Variants in COL27A1 observed in about 807,000 individuals in gnomAD.
The protein encoded by COL27A1 is collagen alpha-1(XXVII) chain.
In COL27A1, 106 loss-of-function variants were observed where a neutral mutation model predicts 251.3. The observed-to-expected ratio is 0.42, with a 90% CI of 0.36 to 0.50. COL27A1 has a LOEUF of 0.50. Among genes scored for constraint, COL27A1 ranks in the 20% least tolerant of loss-of-function variants. The probability of loss-of-function intolerance (pLI) is 0.00; values close to 1 mark genes in which losing one functional copy is unlikely to be tolerated. For missense variants in COL27A1, 2,325 were observed against 2,522.8 expected, an observed-to-expected ratio of 0.92 and a Z score of 1.68; for synonymous variants, 1,000 against 986.3, an observed-to-expected ratio of 1.01 and a Z score of -0.26.
intron 40 of COL27A1, among the ~76,000 whole-genome samples, chr9:114,284,372 C>T (rs1827310040): frequency 6.6e-6 from 1 of 152,222 alleles, no homozygotes; most frequent in South Asian, 2.1e-4. Context: ...GTGTCCATAC[C>T]TGCAGGCCTA....
intron 5 of COL27A1, among the ~76,000 whole-genome samples, chr9:114,186,878 G>A (rs1219418630): frequency 6.6e-6 from 1 of 152,206 alleles, no homozygotes; most frequent in Non-Finnish European, 1.5e-5. Context: ...TGGGATGCAG[G>A]TCCTTGGTGC....
intron 3 of COL27A1, 126 bp from the exon 4 acceptor site, chr9:114,178,164 GA>G (rs1252219240): frequency 1.3e-6 from 1 of 740,930 alleles, no homozygotes; most frequent in African/African-American, 1.7e-5. Context: ...GACCTCAGGG[GA>G]CTCCTCCTCT....
rs554079381 is a variant in COL27A1 at position 114,197,320 on chromosome 9, G to A, written c.2124+1308G>A. ...GACACAGGGGGCCTTGCAGGACCTC[G>A]TTCCCCCATTCCCTTCTCCATGGCC... On this transcript the variant is annotated intron_variant, in intron 7 of 60. Coordinates refer to ENST00000356083, the MANE Select transcript of COL27A1 (RefSeq NM_032888.4). Among the ~76,000 whole-genome samples the A allele has an allele frequency of 2.7e-4, 41 of 152,184 alleles. No homozygotes were observed. In the South Asian group the frequency reaches 7.3e-3, roughly 27 times the overall value.
At chr9:114,234,678 C>CAAACA (rs1032116945) in intron 16 of COL27A1, among the ~76,000 whole-genome samples, 11 of 152,180 alleles carry the variant, frequency 7.2e-5, no homozygotes, top group African/African-American at 2.4e-4. Context: ...TGTTAGAAGA[C>CAAACA]AAACACCCAG....
Position 114,250,971 on chromosome 9 carries a change from G to A in COL27A1, c.3033+303G>A, listed in dbSNP as rs191572645. Among the ~76,000 whole-genome samples the A allele has an allele frequency of 3.3e-5, 5 of 152,284 alleles. No individual in the cohort carries two copies. In the East Asian group the frequency reaches 9.7e-4, roughly 29 times the overall value. ...CCTGCACAGGGGTCGGCGAGAGCAG[G>A]GAGGAAAAGACTCATCTTTACAAAG... On this transcript the variant is annotated intron_variant, in intron 25 of 60. Coordinates refer to ENST00000356083, the MANE Select transcript of COL27A1 (RefSeq NM_032888.4).
chr9:114,189,969 C>T (rs1327959399), intron 5 of COL27A1, among the ~76,000 whole-genome samples: 1 of 152,158 alleles, frequency 6.6e-6, no homozygotes, highest in Non-Finnish European at 1.5e-5. Context: ...GTCTCATTTT[C>T]CTCAAAGGTT....
intron 36 of COL27A1, among the ~76,000 whole-genome samples, chr9:114,274,688 A>G (rs1835373881): frequency 6.6e-6 from 1 of 152,128 alleles, no homozygotes. Context: ...ACAAACAAAG[A>G]TGGAGACCAG....
At position 114,169,163 on chromosome 9, in the gene COL27A1, C is replaced by T. The variant is rs939116118; in HGVS notation, c.1608C>T (p.Pro536=). The T allele has an allele frequency of 3.7e-6, 6 of 1,613,996 alleles. No homozygotes were observed. The highest frequency in any genetic ancestry group is 1.7e-5 in the Admixed American group (1 of 59,998). Residue 536 remains proline, a synonymous_variant, in exon 3 of 61, where the codon CCC becomes CCT. Transcript: ENST00000356083. ...CAGCTCCCACTGGAAGCAAGAAGCC[C>T]ATTGGATCGGAAGCCTCAAAGAAAG... ...PGSAPTGSKK[P]IGSEASKKAG... is the part of the protein sequence containing the mutation.
intron 20 of COL27A1, 79 bp downstream of exon 20, chr9:114,240,352 G>T: frequency 6.3e-7 from 1 of 1,585,602 alleles, no homozygotes; most frequent in Non-Finnish European, 8.6e-7. Flanking sequence ...TGCCTGGCTT[G>T]GAAGCAGGGG....
At chr9:114,283,644 G>A (rs1048555192) in intron 39 of COL27A1, 65 bp from the exon 40 acceptor site, 2 of 1,478,026 alleles carry the variant, frequency 1.4e-6, no homozygotes, top group Non-Finnish European at 1.9e-6. Flanking sequence ...AGCCTGCAGG[G>A]AGACTGCTGT....
chr9:114,182,528 C>T (rs562452490), intron 4 of COL27A1, among the ~76,000 whole-genome samples: 3 of 151,968 alleles, frequency 2.0e-5, no homozygotes, highest in East Asian at 3.9e-4. Context: ...CATGGGCAAA[C>T]GCAACGAGGA....
Position 114,243,542 on chromosome 9 carries a change from C to A in COL27A1, c.2916C>A (p.Pro972=), listed in dbSNP as rs372764232. 4 of 1,613,578 alleles carry A rather than the reference C, an allele frequency of 2.5e-6. No homozygotes were observed. The highest frequency in any genetic ancestry group is 3.4e-6 in the Non-Finnish European group (4 of 1,179,800). Residue 972 remains proline, a synonymous_variant, in exon 23 of 61, where the codon CCC becomes CCA. Coordinates refer to ENST00000356083, the MANE Select transcript of COL27A1 (RefSeq NM_032888.4). ...GCAGGAAGGGGTTTCCTGGGAGGCC[C>A]GGCCTGGATGGCGTGAAGGTGAGGG... ...QPGRKGFPGR[P]GLDGVKGEPG...
chr9:114,179,084 G>C (rs1247073954), intron 4 of COL27A1, among the ~76,000 whole-genome samples: 1 of 152,190 alleles, frequency 6.6e-6, no homozygotes, highest in African/African-American at 2.4e-5. Flanking sequence ...AGAGGGCTGA[G>C]ACCAACAGCA....
chr9:114,254,082 A>G (rs1322785759), intron 27 of COL27A1, among the ~76,000 whole-genome samples: 2 of 152,138 alleles, frequency 1.3e-5, no homozygotes, highest in Admixed American at 1.3e-4. Flanking sequence ...CAAGAAAGGT[A>G]GAAAGTGGTC....
Position 114,242,216 on chromosome 9 carries a change from G to A in COL27A1, c.2865G>A (p.Gly955=). ...ATGAGGGACCCATGGGGCCGCCAGG[G>A]GCCCCTGGCTTGGAGGTGAGTGTCA... ...EGDEGPMGPP[G]APGLEGQPGR... is the part of the protein sequence containing the mutation. The change falls in exon 22 of 61, where the codon GGG becomes GGA. Residue 955 remains glycine (G), a synonymous_variant. Coordinates refer to ENST00000356083, the MANE Select transcript of COL27A1 (RefSeq NM_032888.4). 1 of 1,609,626 alleles carries A rather than the reference G, an allele frequency of 6.2e-7. No homozygotes were observed. The highest frequency in any genetic ancestry group is 1.1e-5 in the South Asian group (1 of 90,370).
Position 114,167,693 on chromosome 9 carries a change from G to A in COL27A1, c.138G>A (p.Val46=), listed in dbSNP as rs1848987224. The A allele has an allele frequency of 6.2e-7, 1 of 1,609,406 alleles. No individual in the cohort carries two copies. Among genetic ancestry groups the A allele is most frequent in the African/African-American group, 1.3e-5 (1 of 74,864 alleles). The part of the protein sequence containing the change: ...LASTQGAPED[V]DILQRLGLSW... Reference sequence around the variant, plus strand: ...CCCCTTTTCCCTCCCTCTCAGATGTGGACATCCTCCAGCGGCTGGGCCTCA... The same window carrying A: ...CCCCTTTTCCCTCCCTCTCAGATGTAGACATCCTCCAGCGGCTGGGCCTCA... Residue 46 remains valine (V), a synonymous_variant, in exon 3 of 61, where the codon GTG becomes GTA. Transcript: ENST00000356083.
At chr9:114,208,113 T>C (rs187610708) in intron 10 of COL27A1, among the ~76,000 whole-genome samples, 1 of 152,324 alleles carries the variant, frequency 6.6e-6, no homozygotes, top group Non-Finnish European at 1.5e-5. Context: ...TGGGCCTAAA[T>C]GGTCTTACCT....
chr9:114,253,484 AAAGGAAGGAATG>A (rs1464547454), intron 27 of COL27A1, among the ~76,000 whole-genome samples: 2 of 151,794 alleles, frequency 1.3e-5, no homozygotes, highest in Non-Finnish European at 1.5e-5. Context: ...AAAAGAAAAG[AAAGGAAGGAATG>A]AAGGAAGGAA....
chr9:114,279,396 G>A (rs1450967253), intron 37 of COL27A1, among the ~76,000 whole-genome samples: 2 of 152,236 alleles, frequency 1.3e-5, no homozygotes, highest in African/African-American at 4.8e-5. Context: ...GAGGGTTGTA[G>A]GGATTGTTGG....
Sources: allele counts gnomAD v4.1 joint callset (sites outside exome capture counted in the v4.1 genomes callset), GRCh38; gene constraint gnomAD v4.1.1; transcripts MANE v1.5; gene names NCBI Gene and HGNC (gene_info 2026-07-23, HGNC 2026-07-21).